ROCK1: variants seen among roughly 807,000 people sequenced by gnomAD.
ROCK1 encodes the protein Rho associated coiled-coil containing protein kinase 1.
A neutral mutation model predicts 196.8 loss-of-function variants in ROCK1; 36 were observed. The ratio of observed to expected loss-of-function variants is 0.18; its 90% CI spans 0.14 to 0.24. ROCK1 has a LOEUF of 0.24. Among genes scored for constraint, ROCK1 ranks in the 10% least tolerant of loss-of-function variants. ROCK1 has a pLI of 1.00. For synonymous variants in ROCK1, 443 were observed against 515.9 expected (o/e 0.86, Z 1.91); for missense variants, 920 against 1,562.0 (o/e 0.59, Z 6.93).
intron 9 of ROCK1, among the ~76,000 whole-genome samples, chr18:21,029,652 G>A (rs979455135): frequency 2.6e-5 from 4 of 152,036 alleles, no homozygotes; most frequent in Non-Finnish European, 5.9e-5. Flanking sequence ...ATTTGATGTG[G>A]ACCAAGTCTT....
At chr18:20,980,503 G>A (rs1173388314) in intron 21 of ROCK1, among the ~76,000 whole-genome samples, 1 of 152,088 alleles carries the variant, frequency 6.6e-6, no homozygotes, top group East Asian at 1.9e-4. Flanking sequence ...GGCCATAAGG[G>A]AACTTTTTGC....
chr18:21,068,362 T>C (rs2036355244), intron 2 of ROCK1, among the ~76,000 whole-genome samples: 1 of 152,186 alleles, frequency 6.6e-6, no homozygotes, highest in Non-Finnish European at 1.5e-5. Flanking sequence ...CACTGAACTA[T>C]GTGTTTATTC....
chr18:21,104,530 G>T (rs1272008921), intron 1 of ROCK1, among the ~76,000 whole-genome samples: 1 of 152,200 alleles, frequency 6.6e-6, no homozygotes, highest in South Asian at 2.1e-4. Context: ...CCAGGAGGTG[G>T]AGCTTGCAGT....
At position 20,948,053 on chromosome 18, in the gene ROCK1, T is replaced by A. The variant is rs1460675098; in HGVS notation, c.*3331A>T. Reference sequence around the variant, plus strand: ...TGAACCTGGGAGGCGGAGGTTGCAGTGAGCCGAGATCGCGCCACTGCACTC... The same window carrying A: ...TGAACCTGGGAGGCGGAGGTTGCAGAGAGCCGAGATCGCGCCACTGCACTC... On this transcript the variant is annotated 3_prime_UTR_variant, in exon 33 of 33. Transcript: ENST00000399799. The A allele has an allele frequency of 6.6e-6, 1 of 152,142 alleles. No individual in the cohort carries two copies. The highest frequency in any genetic ancestry group is 2.4e-5 in the African/African-American group (1 of 41,426). The allele number at this position is 152,142 out of a possible 1,614,324, so 9.4% of individuals were successfully genotyped here. A position where few individuals can be genotyped will look rare whatever the true frequency, so the allele number is the denominator to read the frequency against.
At chr18:21,050,000 T>C (rs2036191271) in intron 2 of ROCK1, 120 bp from the exon 3 acceptor site, 2 of 510,210 alleles carry the variant, frequency 3.9e-6, no homozygotes, top group South Asian at 6.7e-5. Flanking sequence ...TGAAGAATTA[T>C]TTGAAAATAT....
intron 27 of ROCK1, among the ~76,000 whole-genome samples, chr18:20,960,434 A>G (rs554263704): frequency 6.6e-6 from 1 of 152,204 alleles, no homozygotes; most frequent in Non-Finnish European, 1.5e-5. Flanking sequence ...AACATTTAGT[A>G]ATCAATTACA....
intron 14 of ROCK1, 146 bp from the exon 15 acceptor site, chr18:21,006,936 A>T: frequency 1.9e-6 from 1 of 538,954 alleles, no homozygotes; most frequent in East Asian, 3.1e-5. Context: ...CCAATTTGGA[A>T]GTACCTGCAT....
At chr18:21,007,974 T>C in intron 14 of ROCK1, 85 bp downstream of exon 14, 1 of 985,198 alleles carries the variant, frequency 1.0e-6, no homozygotes, top group Non-Finnish European at 1.4e-6. Context: ...TGTAGCTTCA[T>C]GTATGTATCA....
chr18:21,091,508 C>T (rs1475523772), intron 1 of ROCK1, among the ~76,000 whole-genome samples: 3 of 123,862 alleles, frequency 2.4e-5, no homozygotes, highest in African/African-American at 7.8e-5. Flanking sequence ...GAGGCAGAGA[C>T]AGGAGAATCA....
chr18:21,027,033 G>T (rs1271853374), intron 10 of ROCK1, among the ~76,000 whole-genome samples: 5 of 151,156 alleles, frequency 3.3e-5, no homozygotes, highest in Non-Finnish European at 5.9e-5. Flanking sequence ...CCGCCCCCCA[G>T]GTTGAAGCGA....
chr18:21,058,425 A>G (rs898558747), intron 2 of ROCK1, among the ~76,000 whole-genome samples: 5 of 152,166 alleles, frequency 3.3e-5, no homozygotes, highest in African/African-American at 1.2e-4. Flanking sequence ...GTAAAATATC[A>G]TAATAAACAT....
At chr18:21,103,658 C>T (rs570960356) in intron 1 of ROCK1, among the ~76,000 whole-genome samples, 2 of 151,850 alleles carry the variant, frequency 1.3e-5, no homozygotes, top group African/African-American at 2.4e-5. Context: ...TTGCCCAGGC[C>T]GGTCTCAAAC....
intron 29 of ROCK1, among the ~76,000 whole-genome samples, chr18:20,959,130 T>TATTA (rs1568367503): frequency 0.012 from 609 of 50,432 alleles, 71 homozygotes; most frequent in African/African-American, 0.1. Flanking sequence ...AATATATATA[T>TATTA]TATATATATT....
chr18:21,027,752 T>A (rs75832499), intron 10 of ROCK1, among the ~76,000 whole-genome samples: 1 of 112,004 alleles, frequency 8.9e-6, no homozygotes, highest in Non-Finnish European at 1.8e-5. Context: ...ATCACTTAAT[T>A]TTTTTTTTTT....
chr18:21,046,931 A>G (rs1386477160), intron 4 of ROCK1, among the ~76,000 whole-genome samples: 1 of 152,118 alleles, frequency 6.6e-6, no homozygotes, highest in African/African-American at 2.4e-5. Context: ...CAGCCTCTCA[A>G]AGTGCTCAGA....
chr18:21,081,115 A>G (rs1370591101), intron 1 of ROCK1, among the ~76,000 whole-genome samples: 1 of 152,188 alleles, frequency 6.6e-6, no homozygotes, highest in East Asian at 1.9e-4. Context: ...TTATTATGTT[A>G]TGCCACAAAA....
At position 21,028,481 on chromosome 18, in the gene ROCK1, A is replaced by G. The variant is rs150956895; in HGVS notation, c.1211+295T>C. Among the ~76,000 whole-genome samples, 776 of 152,244 alleles carry G rather than the reference A, an allele frequency of 5.1e-3. 1 individual carries two copies. Among genetic ancestry groups the G allele is most frequent in the Middle Eastern group, 0.01 (3 of 294 alleles). On this transcript the variant is annotated intron_variant, in intron 10 of 32. Transcript: ENST00000399799. ...GTTGTTTCAAAATGTATTATAAACCATAAGTCTACAGATCAAAATATCAGT... is the reference window on the plus strand; with the variant it reads ...GTTGTTTCAAAATGTATTATAAACCGTAAGTCTACAGATCAAAATATCAGT...
At chr18:20,969,009 T>C (rs2035400694) in intron 24 of ROCK1, 106 bp downstream of exon 24, 3 of 881,646 alleles carry the variant, frequency 3.4e-6, no homozygotes, top group Non-Finnish European at 5.3e-6. Flanking sequence ...GCTACAGAAG[T>C]TACTTAATAT....
intron 1 of ROCK1, among the ~76,000 whole-genome samples, chr18:21,089,886 T>A (rs1367044482): frequency 6.6e-6 from 1 of 152,178 alleles, no homozygotes; most frequent in African/African-American, 2.4e-5. Context: ...AAGTGAACCA[T>A]TATTAAGTCT....
Sources: allele counts gnomAD v4.1 joint callset (sites outside exome capture counted in the v4.1 genomes callset), GRCh38; gene constraint gnomAD v4.1.1; transcripts MANE v1.5; gene names NCBI Gene and HGNC (gene_info 2026-07-23, HGNC 2026-07-21).